SUGP2: variants seen among roughly 807,000 people sequenced by gnomAD.
SUGP2 encodes SURP and G-patch domain containing 2.
A neutral mutation model predicts 90.5 loss-of-function variants in SUGP2; 24 were observed. The ratio of observed to expected loss-of-function variants is 0.27; its 90% CI spans 0.19 to 0.37. The LOEUF (loss-of-function observed/expected upper bound fraction) is 0.37, where lower values mean the gene tolerates loss of function less well. Among genes scored for constraint, SUGP2 ranks in the 10% least tolerant of loss-of-function variants. The pLI is 1.00. For synonymous variants in SUGP2, 473 were observed against 513.4 expected, an observed-to-expected ratio of 0.92 and a Z score of 1.06; for missense variants, 1,233 against 1,363.3, an observed-to-expected ratio of 0.90 and a Z score of 1.51.
intron 8 of SUGP2, among the ~76,000 whole-genome samples, chr19:18,997,566 C>T (rs11671696): frequency 0.74 from 112,953 of 151,962 alleles, 42,302 homozygotes; most frequent in East Asian, 0.93. Context: ...GCGTGGATCA[C>T]GATGTCAGGA....
intron 9 of SUGP2, chr19:18,994,779 T>G (rs2057505534): frequency 1.9e-6 from 1 of 528,802 alleles, no homozygotes; most frequent in Non-Finnish European, 3.4e-6. Flanking sequence ...TGATCGGGGT[T>G]TAATAAACTT....
At chr19:19,030,150 TA>T (rs144938837) in intron 2 of SUGP2, among the ~76,000 whole-genome samples, 5 of 148,010 alleles carry the variant, frequency 3.4e-5, no homozygotes, top group Non-Finnish European at 6.0e-5. Context: ...CCATATCTAT[TA>T]AAAAAAACAA....
rs1250305917 is a variant in SUGP2 at position 19,024,663 on chromosome 19, G to A, written c.1685C>T (p.Thr562Met). Residue 562 changes from threonine (T) to methionine (M), a missense_variant, in exon 3 of 11, where the codon ACG becomes ATG. This residue lies in a region of SUGP2 where 540 missense variants were observed against 542.6 expected (regional missense o/e 1.00). Transcript: ENST00000452918. ...AGCCTTGGCCTGAATTTCAGGTTTC[G>A]TAGGAGGAATCATTTTCTCCTCCTC... ...MREEEKMIPPTKPEIQAKAPS... is the reference protein window; with the variant it reads ...MREEEKMIPPMKPEIQAKAPS... 8.7e-6 allele frequency: 14 copies of A among 1,613,978 alleles called. No homozygotes were observed. The highest frequency in any genetic ancestry group is 1.6e-4 in the Middle Eastern group (1 of 6,084).
chr19:19,021,390 C>T (rs192724544), intron 3 of SUGP2, among the ~76,000 whole-genome samples: 3 of 152,126 alleles, frequency 2.0e-5, no homozygotes, highest in Admixed American at 2.0e-4. Flanking sequence ...AAGTATGTCC[C>T]CTATGAAACT....
chr19:19,000,462 T>C (rs988052405), intron 8 of SUGP2, among the ~76,000 whole-genome samples: 10 of 152,232 alleles, frequency 6.6e-5, no homozygotes, highest in Non-Finnish European at 1.3e-4. Flanking sequence ...ACCTGGCACG[T>C]AGGAGGTGCT....
intron 3 of SUGP2, among the ~76,000 whole-genome samples, chr19:19,024,196 G>C (rs1484343056): frequency 6.6e-6 from 1 of 152,048 alleles, no homozygotes. Context: ...TGAAACCTCC[G>C]CCTCCCAGGT....
intron 2 of SUGP2, among the ~76,000 whole-genome samples, chr19:19,030,235 A>G (rs137894603): frequency 0.023 from 3,506 of 152,318 alleles, 132 homozygotes; most frequent in African/African-American, 0.08. Context: ...CATGCCTGTA[A>G]TCCCAGCATC....
chr19:18,994,568 C>T (rs1313281840), intron 9 of SUGP2, 82 bp from the exon 10 acceptor site: 2 of 1,543,226 alleles, frequency 1.3e-6, no homozygotes, highest in Non-Finnish European at 1.8e-6. Context: ...CACAAACAGT[C>T]CATGAGATGC....
intron 3 of SUGP2, among the ~76,000 whole-genome samples, chr19:19,022,937 C>T (rs1002318094): frequency 1.3e-5 from 2 of 152,150 alleles, no homozygotes; most frequent in Non-Finnish European, 2.9e-5. Flanking sequence ...GTGCTTTCTC[C>T]CTATCACAAG....
chr19:19,033,538 T>G (rs755018204), upstream of SUGP2: 23 of 1,331,680 alleles, frequency 1.7e-5, no homozygotes, highest in Non-Finnish European at 2.1e-5. Context: ...ACCAACGGTC[T>G]CCGCAGCGCC....
chr19:19,001,749 A>G lies in SUGP2; in HGVS notation c.2930-75T>C. On this transcript the variant is annotated intron_variant, in intron 7 of 10. Coordinates refer to ENST00000452918, the MANE Select transcript of SUGP2 (RefSeq NM_001017392.5). ...ATTACTTAGAGACTGAAGATCTTGC[A>G]GTCTATTTTGGCTAACAGTTCTCTG... 4 of 1,496,100 alleles carry G rather than the reference A, an allele frequency of 2.7e-6. No individual in the cohort carries two copies. The South Asian group carries it at 4.5e-5, about 17-fold the overall frequency. The allele number at this position is 1,496,100 out of a possible 1,614,324, so 92.7% of individuals were successfully genotyped here. A position where few individuals can be genotyped will look rare whatever the true frequency, so the allele number is the denominator to read the frequency against.
At position 19,000,327 on chromosome 19, in the gene SUGP2, G is replaced by A. The variant is rs191398637; in HGVS notation, c.2991+1286C>T. 2.6e-3 allele frequency among the ~76,000 whole-genome samples: 391 copies of A among 152,174 alleles called. 4 individuals are homozygous for A. The highest frequency in any genetic ancestry group is 0.01 in the Middle Eastern group (3 of 294). ...TTTCCCAATTCAGCGGCATCCCCTCGACCCCACCTTATTCTCCCTCTCTTT... is the reference window on the plus strand; with the variant it reads ...TTTCCCAATTCAGCGGCATCCCCTCAACCCCACCTTATTCTCCCTCTCTTT... On this transcript the variant is annotated intron_variant, in intron 8 of 10. Transcript: ENST00000452918.
Position 19,008,262 on chromosome 19 carries a change from G to C in SUGP2, c.2450+55C>G, listed in dbSNP as rs1020328902. 1.4e-5 allele frequency: 19 copies of C among 1,406,110 alleles called. No homozygotes were observed. In the South Asian group the frequency reaches 2.1e-4, roughly 15 times the overall value. 87.1% of individuals were successfully genotyped at this position (1,406,110 alleles called of 1,614,324 possible). A position where few individuals can be genotyped will look rare whatever the true frequency, so the allele number is the denominator to read the frequency against. On this transcript the variant is annotated intron_variant, in intron 6 of 10. Transcript: ENST00000452918. Reference sequence around the variant, plus strand: ...AAATCCAGCCTAAGCAACATCCTTAGACTTTGTCTCTCTGAGAAAGAAAAA... The same window carrying C: ...AAATCCAGCCTAAGCAACATCCTTACACTTTGTCTCTCTGAGAAAGAAAAA...
intron 4 of SUGP2, among the ~76,000 whole-genome samples, chr19:19,016,244 G>C (rs1356457730): frequency 1.3e-5 from 2 of 152,046 alleles, no homozygotes; most frequent in Non-Finnish European, 2.9e-5. Context: ...TGTTCGCCAG[G>C]ATGGTCTCGA....
chr19:19,031,835 T>TC (rs2059168917), intron 1 of SUGP2, among the ~76,000 whole-genome samples: 1 of 151,112 alleles, frequency 6.6e-6, no homozygotes, highest in Non-Finnish European at 1.5e-5. Flanking sequence ...TTTTTTTTTT[T>TC]TTTTTTTAAG....
At position 18,992,348 on chromosome 19, in the gene SUGP2, CT is replaced by C. The variant is rs60167563; in HGVS notation, c.*1392del. ...TATAGGCGTGAGTCACCGTGCCGGC[CT>C]TTTTTTTTTTTTTTTTTGGAGATGG... On this transcript the variant is annotated 3_prime_UTR_variant, in exon 11 of 11. Transcript: ENST00000452918. 60,282 of 83,504 alleles carry C rather than the reference CT, an allele frequency of 0.72. 21,427 individuals are homozygous for C. Among genetic ancestry groups the C allele is most frequent in the East Asian group, 0.83 (2,346 of 2,824 alleles). 5.2% of individuals were successfully genotyped at this position (83,504 alleles called of 1,614,324 possible).
intron 4 of SUGP2, 36 bp downstream of exon 4, chr19:19,019,073 G>T: frequency 6.2e-7 from 1 of 1,602,516 alleles, no homozygotes; most frequent in Non-Finnish European, 8.5e-7. Flanking sequence ...TATACTCCAT[G>T]AGAGGGATTC....
chr19:19,004,549 G>C lies in SUGP2; in HGVS notation c.2548C>G (p.Leu850Val), dbSNP rs1199732620. ...GTGGTGTCACCACCACCAGTGTGAA[G>C]GTTGTGCGGAGATGACGTGAAACAA... Reference protein sequence around the residue: ...SICFTSSPHNLHTGGGDTTGS... With the variant: ...SICFTSSPHNVHTGGGDTTGS... Residue 850 changes from leucine to valine, a missense_variant, in exon 7 of 11, where the codon CTT becomes GTT. Leu to Val is a conservative substitution (Grantham distance 32). This residue lies in a region of SUGP2 where 540 missense variants were observed against 542.6 expected (regional missense o/e 1.00). Transcript: ENST00000452918. The C allele has an allele frequency of 6.2e-7, 1 of 1,614,142 alleles. No individual in the cohort carries two copies. The highest frequency in any genetic ancestry group is 8.5e-7 in the Non-Finnish European group (1 of 1,180,054).
chr19:19,002,809 G>A (rs1310266581), intron 7 of SUGP2, among the ~76,000 whole-genome samples: 2 of 151,762 alleles, frequency 1.3e-5, no homozygotes. Flanking sequence ...CAGCACACCC[G>A]GCGCAGGTCT....
Sources: allele counts gnomAD v4.1 joint callset (sites outside exome capture counted in the v4.1 genomes callset), GRCh38; gene constraint gnomAD v4.1.1; regional missense constraint gnomAD v4.1.1; transcripts MANE v1.5; gene names NCBI Gene and HGNC (gene_info 2026-07-23, HGNC 2026-07-21).